ITPRID2: variants seen among roughly 807,000 people sequenced by gnomAD.
ITPRID2 encodes the protein protein ITPRID2.
Under a neutral mutation model 124.3 loss-of-function variants are expected in ITPRID2, and 60 were observed. The observed-to-expected ratio is 0.48, with a 90% CI of 0.39 to 0.60. ITPRID2 has a LOEUF of 0.60. ITPRID2 is among the 20% of genes least tolerant of loss of function. The pLI, the probability that ITPRID2 is intolerant of heterozygous loss-of-function variation, is 0.00. For missense variants in ITPRID2, 1,553 were observed against 1,512.2 expected (o/e 1.03, Z -0.45); for synonymous variants, 521 against 542.9 (o/e 0.96, Z 0.56).
At chr2:181,918,194 A>C in intron 11 of ITPRID2, 1 of 532,836 alleles carries the variant, frequency 1.9e-6, no homozygotes, top group Non-Finnish European at 2.4e-6. Context: ...GCATATAGGA[A>C]ATGCTAAGAT....
intron 11 of ITPRID2, chr2:181,916,803 A>G (rs900852728): frequency 5.9e-6 from 6 of 1,008,584 alleles, no homozygotes; most frequent in East Asian, 9.6e-5. Context: ...TCTCTCTGCT[A>G]TTTGAACATG....
chr2:181,908,617 G>A (rs1693347073), intron 8 of ITPRID2, among the ~76,000 whole-genome samples: 1 of 152,172 alleles, frequency 6.6e-6, no homozygotes, highest in Admixed American at 6.5e-5. Context: ...GGTTTTGCAT[G>A]AGTAGTGTGC....
At chr2:181,901,008 T>C (rs933737825) in intron 7 of ITPRID2, 104 bp downstream of exon 7, 8 of 896,646 alleles carry the variant, frequency 8.9e-6, no homozygotes, top group Non-Finnish European at 1.3e-5. Flanking sequence ...CACTGGAAAG[T>C]AAAGAGATTG....
chr2:181,895,907 G>A, intron 2 of ITPRID2, 123 bp from the exon 3 acceptor site: 1 of 764,176 alleles, frequency 1.3e-6, no homozygotes, highest in Admixed American at 2.3e-5. Context: ...GTGTGTTTTT[G>A]GAGGAGAGTT....
At chr2:181,928,010 C>T in intron 16 of ITPRID2, 151 bp from the exon 17 acceptor site, 1 of 574,692 alleles carries the variant, frequency 1.7e-6, no homozygotes, top group Admixed American at 3.3e-5. Flanking sequence ...GATAGATGGA[C>T]TCGATTCCCC....
intron 6 of ITPRID2, among the ~76,000 whole-genome samples, chr2:181,899,826 T>C (rs2125067369): frequency 6.6e-6 from 1 of 152,316 alleles, no homozygotes; most frequent in Non-Finnish European, 1.5e-5. Context: ...AGTGAGACGC[T>C]GTCTCAAAAA....
In ITPRID2 at chr2:181,902,367, C is replaced by T; in HGVS notation, c.1314C>T (p.Val438=). The T allele has an allele frequency of 1.9e-6, 3 of 1,613,846 alleles. No homozygotes were observed. The highest frequency in any genetic ancestry group is 2.5e-6 in the Non-Finnish European group (3 of 1,179,850). ...ELENSSELKS[V]HISTPEKEPC... The stretch of plus-strand genomic sequence containing the variant: ...AAAATAGCAGTGAGCTGAAAAGTGT[C>T]CATATATCCACACCTGAAAAAGAGC... The change falls in exon 8 of 18, where the codon GTC becomes GTT. Residue 438 remains valine, a synonymous_variant. Coordinates refer to ENST00000431877, the MANE Select transcript of ITPRID2 (RefSeq NM_001130445.3). This position sits in a 1 kb window ranked among gnomAD's most constrained non-coding sequence, Gnocchi z 4.4.
intron 10 of ITPRID2, among the ~76,000 whole-genome samples, chr2:181,914,686 A>T (rs1693888784): frequency 6.6e-6 from 1 of 152,196 alleles, no homozygotes; most frequent in Non-Finnish European, 1.5e-5. Context: ...TTGTCCTTTT[A>T]TAATAACATG....
chr2:181,928,519 A>G (rs1471248508), intron 17 of ITPRID2, among the ~76,000 whole-genome samples: 1 of 152,220 alleles, frequency 6.6e-6, no homozygotes, highest in Non-Finnish European at 1.5e-5. Flanking sequence ...ATTTCATTAT[A>G]GTAATAAATC....
Position 181,892,343 on chromosome 2 carries a change from G to A in ITPRID2, c.211+66G>A. ...CTGGGGAGAGTCTCGTGCGCCCTGG[G>A]CGCCTGCCACGAGTTCTGGGAGAGC... On this transcript the variant is annotated intron_variant, in intron 1 of 17. Coordinates refer to ENST00000431877, the MANE Select transcript of ITPRID2 (RefSeq NM_001130445.3). This position sits in a 1 kb window ranked among gnomAD's most constrained non-coding sequence, Gnocchi z 5.2. The A allele has an allele frequency of 6.8e-7, 1 of 1,468,046 alleles. No homozygotes were observed. The highest frequency in any genetic ancestry group is 1.4e-5 in the South Asian group (1 of 74,002). 90.9% of individuals were successfully genotyped at this position (1,468,046 alleles called of 1,614,324 possible).
chr2:181,892,555 T>C lies in ITPRID2; in HGVS notation c.212-60T>C. On this transcript the variant is annotated intron_variant, in intron 1 of 17. Transcript: ENST00000431877. This position sits in a 1 kb window ranked among gnomAD's most constrained non-coding sequence, Gnocchi z 5.2. ...TTTTCCTACTTGGGAGGGTCCAGGG[T>C]GACTCCGCCGTCGTAGTGCTCCTGG... 6.2e-7 allele frequency: 1 copy of C among 1,603,304 alleles called. No homozygotes were observed. Among genetic ancestry groups the C allele is most frequent in the Non-Finnish European group, 8.5e-7 (1 of 1,170,288 alleles).
chr2:181,915,970 C>G lies in ITPRID2; in HGVS notation c.2330C>G (p.Pro777Arg). Reference protein sequence around the residue: ...SPPSFTYKYTPEEEQELEKRV... With the variant: ...SPPSFTYKYTREEEQELEKRV... Reference sequence around the variant, plus strand: ...CCTTCCTTCACCTATAAGTACACACCTGAAGAGGAGCAGGAATTGGAAAAG... The same window carrying G: ...CCTTCCTTCACCTATAAGTACACACGTGAAGAGGAGCAGGAATTGGAAAAG... Residue 777 changes from proline to arginine, a missense_variant, in exon 11 of 18, where the codon CCT becomes CGT. Pro to Arg is a moderately radical substitution (Grantham distance 103). Transcript: ENST00000431877. 6.2e-7 allele frequency: 1 copy of G among 1,614,186 alleles called. No individual in the cohort carries two copies. The highest frequency in any genetic ancestry group is 8.5e-7 in the Non-Finnish European group (1 of 1,180,040).
chr2:181,913,791 CTTTT>C lies in ITPRID2; in HGVS notation c.1487-50_1487-47del, dbSNP rs527554044. 2.7e-5 allele frequency: 36 copies of C among 1,357,514 alleles called. No homozygotes were observed. In the African/African-American group the frequency reaches 5.3e-4, roughly 20 times the overall value. The allele number at this position is 1,357,514 out of a possible 1,614,324, so 84.1% of individuals were successfully genotyped here. A position where few individuals can be genotyped will look rare whatever the true frequency, so the allele number is the denominator to read the frequency against. On this transcript the variant is annotated intron_variant, in intron 9 of 17. Transcript: ENST00000431877. ...TGCTCTCAGTAATTTCTTATAGCCA[CTTTT>C]TTTATTTATAGATCATCTGTTTCTT...
At position 181,901,845 on chromosome 2, in the gene ITPRID2, C is replaced by T. The variant is rs774172069; in HGVS notation, c.792C>T (p.Pro264=). ...TATATTCTCAAGTCTCCGGGACGCC[C>T]CTGCAGAGAATTGGAAGTATGTCCT... ...SSLYSQVSGT[P]LQRIGSMSSV... The change falls in exon 8 of 18, where the codon CCC becomes CCT. Residue 264 remains proline, a synonymous_variant. Coordinates refer to ENST00000431877, the MANE Select transcript of ITPRID2 (RefSeq NM_001130445.3). 2 of 1,613,812 alleles carry T rather than the reference C, an allele frequency of 1.2e-6. No individual in the cohort carries two copies. The highest frequency in any genetic ancestry group is 1.7e-6 in the Non-Finnish European group (2 of 1,179,838).
intron 2 of ITPRID2, among the ~76,000 whole-genome samples, chr2:181,894,968 C>G (rs1001350796): frequency 6.6e-6 from 1 of 151,994 alleles, no homozygotes; most frequent in African/African-American, 2.4e-5. Context: ...TAAAGACATA[C>G]ATTAGAATTT....
Position 181,892,015 on chromosome 2 carries a change from C to T in ITPRID2, c.-52C>T. 3.9e-6 allele frequency: 6 copies of T among 1,523,876 alleles called. No individual in the cohort carries two copies. The East Asian group carries it at 1.5e-4, about 38-fold the overall frequency. The allele number at this position is 1,523,876 out of a possible 1,614,324, so 94.4% of individuals were successfully genotyped here. On this transcript the variant is annotated 5_prime_UTR_variant, in exon 1 of 18. Coordinates refer to ENST00000431877, the MANE Select transcript of ITPRID2 (RefSeq NM_001130445.3). This position sits in a 1 kb window ranked among gnomAD's most constrained non-coding sequence, Gnocchi z 5.2. ...CAGCAAGGGCGGGGGTCCCTGCCGC[C>T]GCCTTGTCTCGCGCAGGGTCCGGCT...
In ITPRID2 at chr2:181,919,755, A is replaced by C. The variant is rs1024979203; in HGVS notation, c.3144+309A>C. On this transcript the variant is annotated intron_variant, in intron 14 of 17. Transcript: ENST00000431877. This position sits in a 1 kb window ranked among gnomAD's most constrained non-coding sequence, Gnocchi z 4.2. The stretch of plus-strand genomic sequence containing the variant: ...AGTGAATTAACATATGACTAATGTA[A>C]ATTTTAATTGTTGCATGTAACTGCA... Among the ~76,000 whole-genome samples the C allele has an allele frequency of 1.3e-5, 2 of 152,146 alleles. No homozygotes were observed. The highest frequency in any genetic ancestry group is 4.8e-5 in the African/African-American group (2 of 41,450).
In ITPRID2 at chr2:181,892,279, T is replaced by C; in HGVS notation, c.211+2T>C. 6.5e-7 allele frequency: 1 copy of C among 1,543,866 alleles called. No individual in the cohort carries two copies. The highest frequency in any genetic ancestry group is 1.2e-5 in the South Asian group (1 of 83,808). On this transcript the variant is annotated splice_donor_variant, in intron 1 of 17. Coordinates refer to ENST00000431877, the MANE Select transcript of ITPRID2 (RefSeq NM_001130445.3). LOFTEE classifies it high-confidence loss of function. This position sits in a 1 kb window ranked among gnomAD's most constrained non-coding sequence, Gnocchi z 5.2. ...AGCTGCCGGCAGCGGGGGGAAGAGG[T>C]CGGTGCTCCCGGCCGGGCTCCGGGG...
rs1430380677 is a variant in ITPRID2 at position 181,892,370 on chromosome 2, T to C, written c.211+93T>C. 6 of 1,391,280 alleles carry C rather than the reference T, an allele frequency of 4.3e-6. No homozygotes were observed. Among genetic ancestry groups the C allele is most frequent in the African/African-American group, 1.4e-5 (1 of 69,470 alleles). 86.2% of individuals were successfully genotyped at this position (1,391,280 alleles called of 1,614,324 possible). On this transcript the variant is annotated intron_variant, in intron 1 of 17. Coordinates refer to ENST00000431877, the MANE Select transcript of ITPRID2 (RefSeq NM_001130445.3). This position sits in a 1 kb window ranked among gnomAD's most constrained non-coding sequence, Gnocchi z 5.2. ...GCCTGCCACGAGTTCTGGGAGAGCC[T>C]CGGGCACGGTAGGCCGAGGGGAGAG... is the stretch of plus-strand genomic sequence containing the variant.
Sources: allele counts gnomAD v4.1 joint callset (sites outside exome capture counted in the v4.1 genomes callset), GRCh38; gene constraint gnomAD v4.1.1; non-coding constraint Gnocchi (gnomAD v3.1); transcripts MANE v1.5; gene names NCBI Gene and HGNC (gene_info 2026-07-23, HGNC 2026-07-21).